COBLL1: variants seen among roughly 807,000 people sequenced by gnomAD.
The protein encoded by COBLL1 is cordon-bleu protein-like 1.
COBLL1 carries 50 observed loss-of-function variants against 94.8 expected under a neutral mutation model. That is an observed-to-expected ratio of 0.53 (90% confidence interval 0.42 to 0.67). COBLL1 has a LOEUF of 0.67. Among genes scored for constraint, COBLL1 ranks in the 30% least tolerant of loss-of-function variants. The probability of loss-of-function intolerance (pLI) is 0.00; values close to 1 mark genes in which losing one functional copy is unlikely to be tolerated. For missense variants in COBLL1, 1,362 were observed against 1,348.7 expected, an observed-to-expected ratio of 1.01 and a Z score of -0.15; for synonymous variants, 448 against 473.8, an observed-to-expected ratio of 0.95 and a Z score of 0.71.
intron 3 of COBLL1, among the ~76,000 whole-genome samples, chr2:164,734,645 C>T (rs1686204321): frequency 6.6e-6 from 1 of 152,056 alleles, no homozygotes; most frequent in African/African-American, 2.4e-5. Context: ...ATTCTAGATA[C>T]ATTTTGTAGG....
intron 2 of COBLL1, among the ~76,000 whole-genome samples, chr2:164,663,785 C>T (rs1309093947): frequency 2.0e-5 from 3 of 152,086 alleles, no homozygotes; most frequent in Non-Finnish European, 4.4e-5. Context: ...ACAATAGATA[C>T]TGGGAACACC....
downstream of COBLL1, among the ~76,000 whole-genome samples, chr2:164,678,657 A>G (rs1682907152): frequency 6.6e-6 from 1 of 152,194 alleles, no homozygotes; most frequent in Non-Finnish European, 1.5e-5. Context: ...ATAAGCCACA[A>G]ACATGAAGAT....
intron 2 of COBLL1, among the ~76,000 whole-genome samples, chr2:164,754,377 T>C (rs1183857248): frequency 2.0e-5 from 3 of 152,330 alleles, no homozygotes; most frequent in East Asian, 1.9e-4. Flanking sequence ...AGTGATTGGC[T>C]GTCATTTCTG....
intron 2 of COBLL1, among the ~76,000 whole-genome samples, chr2:164,762,841 C>A (rs931446055): frequency 2.0e-5 from 3 of 151,812 alleles, no homozygotes; most frequent in Non-Finnish European, 2.9e-5. Context: ...GGACTACAGG[C>A]GCCTGGCACC....
intron 2 of COBLL1, among the ~76,000 whole-genome samples, chr2:164,827,330 T>C (rs756641628): frequency 6.6e-6 from 1 of 152,190 alleles, no homozygotes; most frequent in Non-Finnish European, 1.5e-5. Context: ...GTCGATTTGT[T>C]GCCAAAAACA....
chr2:164,790,472 A>G (rs1683131837), intron 2 of COBLL1, among the ~76,000 whole-genome samples: 2 of 152,116 alleles, frequency 1.3e-5, no homozygotes, highest in Non-Finnish European at 2.9e-5. Flanking sequence ...TTTGGTTTTT[A>G]TTTAAAAGTT....
At chr2:164,739,091 G>A (rs962618778) in intron 3 of COBLL1, among the ~76,000 whole-genome samples, 2 of 151,984 alleles carry the variant, frequency 1.3e-5, no homozygotes, top group Non-Finnish European at 2.9e-5. Context: ...GGCAACCCCC[G>A]CCCAATGTAA....
At chr2:164,743,908 ATATTT>A in intron 2 of COBLL1, 33 bp from the exon 3 acceptor site, 1 of 1,405,404 alleles carries the variant, frequency 7.1e-7, no homozygotes, top group Admixed American at 2.6e-5. Context: ...AAAATACAAA[ATATTT>A]TATTTTTAAG....
At position 164,699,381 on chromosome 2, in the gene COBLL1, TG is replaced by T. The variant is rs751878467; in HGVS notation, c.1555+23del. ...GCACATAATAAAAGTAAGAAAGTGT[TG>T]GCTATTAATTTATATAACTCACCAT... is the stretch of plus-strand genomic sequence containing the variant. On this transcript the variant is annotated intron_variant, in intron 11 of 13. Transcript: ENST00000652658. The T allele has an allele frequency of 2.0e-5, 28 of 1,413,182 alleles. No homozygotes were observed. In the South Asian group the frequency reaches 3.2e-4, roughly 16 times the overall value. The allele number at this position is 1,413,182 out of a possible 1,614,324, so 87.5% of individuals were successfully genotyped here. A position where few individuals can be genotyped will look rare whatever the true frequency, so the allele number is the denominator to read the frequency against.
intron 2 of COBLL1, chr2:164,840,678 T>G (rs1441669196): frequency 6.5e-6 from 1 of 154,210 alleles, no homozygotes; most frequent in African/African-American, 2.4e-5. Flanking sequence ...TCATGCGGGC[T>G]GACAGCTGGC....
intron 5 of COBLL1, among the ~76,000 whole-genome samples, chr2:164,725,516 T>TTAGGTGATCCTCC (rs1240684868): frequency 2.0e-5 from 3 of 152,150 alleles, no homozygotes; most frequent in Non-Finnish European, 2.9e-5. Context: ...CTCCCTGGGC[T>TTAGGTGATCCTCC]TAGGTGATCC....
At chr2:164,790,727 T>C (rs920252171) in intron 2 of COBLL1, among the ~76,000 whole-genome samples, 5 of 152,206 alleles carry the variant, frequency 3.3e-5, no homozygotes, top group African/African-American at 1.2e-4. Flanking sequence ...ATTTCACACT[T>C]GCCTGCTACA....
chr2:164,818,339 T>TGC (rs1559046050), intron 2 of COBLL1, among the ~76,000 whole-genome samples: 3 of 139,252 alleles, frequency 2.2e-5, no homozygotes, highest in African/African-American at 8.1e-5. Context: ...CATATATGTA[T>TGC]ATATACATAT....
chr2:164,818,355 T>C (rs1406057928), intron 2 of COBLL1, among the ~76,000 whole-genome samples: 1 of 121,880 alleles, frequency 8.2e-6, no homozygotes, highest in Non-Finnish European at 1.8e-5. Flanking sequence ...CATATGTGCA[T>C]ATACGTATGT....
At chr2:164,696,844 A>G (rs1683972403) in intron 11 of COBLL1, 1 of 152,362 alleles carries the variant, frequency 6.6e-6, no homozygotes, top group South Asian at 2.1e-4. Flanking sequence ...TGCTTCCTGC[A>G]CCATCACTGT....
rs376437965 is a variant in COBLL1, at chr2:164,743,682, C to T, written c.230+5G>A. ...GGTCCTGATATTTCATTTACTCCAGCGTACCTGCCATGAACAGTAGTAGAT... is the reference window on the plus strand; with the variant it reads ...GGTCCTGATATTTCATTTACTCCAGTGTACCTGCCATGAACAGTAGTAGAT... On this transcript the variant is annotated splice_donor_5th_base_variant and intron_variant, in intron 3 of 13. Coordinates refer to ENST00000652658, the MANE Select transcript of COBLL1 (RefSeq NM_001365672.2). 64 of 1,609,372 alleles carry T rather than the reference C, an allele frequency of 4.0e-5. No homozygotes were observed. The African/African-American group carries it at 7.5e-4, about 19-fold the overall frequency.
chr2:164,780,441 T>C (rs72882419), intron 2 of COBLL1, among the ~76,000 whole-genome samples: 2,452 of 151,554 alleles, frequency 0.016, 26 homozygotes, highest in South Asian at 0.028. Flanking sequence ...ACATATGTTC[T>C]TTTTTTTTAA....
At chr2:164,738,660 A>C (rs1256540857) in intron 3 of COBLL1, among the ~76,000 whole-genome samples, 8 of 152,254 alleles carry the variant, frequency 5.3e-5, no homozygotes, top group East Asian at 1.9e-4. Flanking sequence ...ACAGACACAC[A>C]GAAACAGGTT....
At chr2:164,797,040 T>G (rs1052060986) in intron 2 of COBLL1, among the ~76,000 whole-genome samples, 4 of 152,342 alleles carry the variant, frequency 2.6e-5, no homozygotes, top group Non-Finnish European at 4.4e-5. Flanking sequence ...CGAAAAATAT[T>G]AATTGAAACA....
Sources: gnomAD v4.1 joint callset for allele counts (sites outside exome capture counted in the v4.1 genomes callset) on GRCh38, gnomAD v4.1.1 for gene constraint, MANE v1.5 for transcripts, NCBI Gene and HGNC (gene_info 2026-07-23, HGNC 2026-07-21) for gene names.